TASP1: variants seen among roughly 807,000 people sequenced by gnomAD.
TASP1 encodes the protein threonine aspartase 1.
Under a neutral mutation model 56.6 loss-of-function variants are expected in TASP1, and 16 were observed. The ratio of observed to expected loss-of-function variants is 0.28; its 90% CI spans 0.19 to 0.43. TASP1 has a LOEUF of 0.43. Among genes scored for constraint, TASP1 ranks in the 20% least tolerant of loss-of-function variants. The pLI is 1.00. For missense variants in TASP1, 393 were observed against 511.6 expected (o/e 0.77, Z 2.24); for synonymous variants, 179 against 184.2 (o/e 0.97, Z 0.23).
At chr20:13,555,810 A>G (rs1463439660) in intron 8 of TASP1, among the ~76,000 whole-genome samples, 1 of 152,200 alleles carries the variant, frequency 6.6e-6, no homozygotes, top group Non-Finnish European at 1.5e-5. Flanking sequence ...ATCACTATCT[A>G]TGGCAGCCTT....
chr20:13,364,682 C>T, the TASP1 span, among the ~76,000 whole-genome samples: 24,070 of 151,870 alleles, frequency 0.16, 2,062 homozygotes, highest in Admixed American at 0.22. Context: ...TTGGTATCAA[C>T]TTGGTCAATA....
chr20:13,588,525 TA>T (rs1366361523), intron 4 of TASP1, among the ~76,000 whole-genome samples: 1 of 152,024 alleles, frequency 6.6e-6, no homozygotes, highest in African/African-American at 2.4e-5. Flanking sequence ...TTTTATATAT[TA>T]GCGATAAACA....
the TASP1 span, among the ~76,000 whole-genome samples, chr20:13,341,113 G>A: frequency 1.3e-5 from 2 of 152,198 alleles, no homozygotes; most frequent in Non-Finnish European, 2.9e-5. Flanking sequence ...CAACCACATT[G>A]AGAGCAAAAT....
the TASP1 span, among the ~76,000 whole-genome samples, chr20:13,122,274 C>G: frequency 6.6e-6 from 1 of 152,212 alleles, no homozygotes; most frequent in African/African-American, 2.4e-5. Context: ...GAGAGATAGA[C>G]ATGAAACATT....
the TASP1 span, among the ~76,000 whole-genome samples, chr20:13,341,529 C>T: frequency 6.6e-6 from 1 of 152,034 alleles, no homozygotes; most frequent in Non-Finnish European, 1.5e-5. Context: ...AATGAGAAAA[C>T]GTGAGCTTGA....
At chr20:13,621,916 T>C (rs1462448597) in intron 4 of TASP1, among the ~76,000 whole-genome samples, 1 of 152,214 alleles carries the variant, frequency 6.6e-6, no homozygotes, top group East Asian at 1.9e-4. Flanking sequence ...CAACTAACAA[T>C]TGAACTAGTT....
the TASP1 span, among the ~76,000 whole-genome samples, chr20:13,337,516 A>G: frequency 1.3e-5 from 2 of 152,128 alleles, no homozygotes; most frequent in Non-Finnish European, 2.9e-5. Context: ...GGGGATTTGT[A>G]TGGTAAATTG....
intron 10 of TASP1, among the ~76,000 whole-genome samples, chr20:13,500,641 G>C (rs1216989986): frequency 6.6e-6 from 1 of 151,964 alleles, no homozygotes; most frequent in Non-Finnish European, 1.5e-5. Context: ...AATGCATTCA[G>C]TGGGCTTTAG....
chr20:13,184,028 C>CAAAAAAAAAAAAA, the TASP1 span, among the ~76,000 whole-genome samples: 1 of 61,540 alleles, frequency 1.6e-5, no homozygotes, highest in African/African-American at 6.4e-5. Flanking sequence ...GACTCTGTCT[C>CAAAAAAAAAAAAA]AAAAAAAAAA....
At chr20:13,579,553 C>T (rs1033231613) in intron 6 of TASP1, among the ~76,000 whole-genome samples, 4 of 151,924 alleles carry the variant, frequency 2.6e-5, no homozygotes, top group Non-Finnish European at 4.4e-5. Context: ...TTAGTAGAGA[C>T]GGGGTTTCAC....
chr20:13,562,514 G>GA (rs749695742), intron 7 of TASP1, among the ~76,000 whole-genome samples: 3 of 150,364 alleles, frequency 2.0e-5, no homozygotes, highest in African/African-American at 4.9e-5. Flanking sequence ...GATTAACTAA[G>GA]AAAAAAAAAG....
At chr20:13,151,050 T>A in the TASP1 span, among the ~76,000 whole-genome samples, 1 of 152,218 alleles carries the variant, frequency 6.6e-6, no homozygotes, top group Non-Finnish European at 1.5e-5. Flanking sequence ...CTCACTAGAC[T>A]ATAAGCTCTT....
rs552044304 is a variant in TASP1, at chr20:13,410,371, G to A, written c.1170+7077C>T. The stretch of plus-strand genomic sequence containing the variant: ...AGTAGTAGAAAGGTTGGATTGCATG[G>A]TAGTCCTATTTTCAGTTTTTTGAGA... On this transcript the variant is annotated intron_variant, in intron 13 of 13. Transcript: ENST00000337743. 3.5e-4 allele frequency among the ~76,000 whole-genome samples: 53 copies of A among 152,270 alleles called. No homozygotes were observed. In the Middle Eastern group the frequency reaches 0.014, roughly 39 times the overall value.
At chr20:13,547,682 C>A (rs886129605) in intron 8 of TASP1, among the ~76,000 whole-genome samples, 1 of 151,810 alleles carries the variant, frequency 6.6e-6, no homozygotes, top group Non-Finnish European at 1.5e-5. Flanking sequence ...AGAATTAAAA[C>A]GGAATAGAGC....
chr20:13,414,339 T>C (rs1259337647), intron 13 of TASP1, among the ~76,000 whole-genome samples: 2 of 152,166 alleles, frequency 1.3e-5, no homozygotes, highest in South Asian at 2.1e-4. Context: ...GAGGCACATA[T>C]TGTCCATCTG....
the TASP1 span, among the ~76,000 whole-genome samples, chr20:13,175,901 C>T: frequency 6.6e-6 from 1 of 152,046 alleles, no homozygotes; most frequent in Non-Finnish European, 1.5e-5. Flanking sequence ...CAATAGATAT[C>T]CTCTGATAGA....
At chr20:13,569,729 A>G (rs2046651309) in intron 6 of TASP1, 143 bp from the exon 7 acceptor site, 1 of 619,216 alleles carries the variant, frequency 1.6e-6, no homozygotes, top group South Asian at 3.0e-5. Flanking sequence ...TAGTAAGATG[A>G]CTGCATGCTA....
intron 4 of TASP1, among the ~76,000 whole-genome samples, chr20:13,591,426 G>C (rs907506055): frequency 6.6e-6 from 1 of 152,088 alleles, no homozygotes; most frequent in Non-Finnish European, 1.5e-5. Context: ...GAAGACAATG[G>C]AGTAATCTCT....
chr20:13,448,185 T>C (rs1193644039), intron 11 of TASP1, among the ~76,000 whole-genome samples: 1 of 152,132 alleles, frequency 6.6e-6, no homozygotes, highest in Admixed American at 6.6e-5. Flanking sequence ...TGCTGTTTTA[T>C]ATTCCTAAAT....
Sources: allele counts gnomAD v4.1 joint callset (sites outside exome capture counted in the v4.1 genomes callset), GRCh38; gene constraint gnomAD v4.1.1; transcripts MANE v1.5; gene names NCBI Gene and HGNC (gene_info 2026-07-23, HGNC 2026-07-21).